Variants in CMIP observed in about 807,000 individuals in gnomAD.
The protein encoded by CMIP is C-Maf-inducing protein.
In CMIP, 13 loss-of-function variants were observed where a neutral mutation model predicts 97.3. The ratio of observed to expected loss-of-function variants is 0.13; its 90% confidence interval spans 0.09 to 0.21. The LOEUF (loss-of-function observed/expected upper bound fraction) is 0.21. CMIP is among the 10% of genes least tolerant of loss of function. The pLI is 1.00. For missense variants in CMIP, 847 were observed against 1,024.9 expected, an observed-to-expected ratio of 0.83 and a Z score of 2.37; for synonymous variants, 538 against 436.3, an observed-to-expected ratio of 1.23 and a Z score of -2.91.
At chr16:81,547,649 C>G (rs1435170449) in intron 1 of CMIP, among the ~76,000 whole-genome samples, 1 of 152,200 alleles carries the variant, frequency 6.6e-6, no homozygotes, top group East Asian at 1.9e-4. Flanking sequence ...GAAGGGATCT[C>G]CTCAGAAGCC....
intron 1 of CMIP, among the ~76,000 whole-genome samples, chr16:81,500,551 C>T (rs1387754981): frequency 4.1e-5 from 6 of 147,492 alleles, no homozygotes; most frequent in African/African-American, 1.3e-4. Flanking sequence ...TGCAGTGGTG[C>T]GATCTCCGCT....
chr16:81,633,028 C>A (rs183659399), intron 3 of CMIP, among the ~76,000 whole-genome samples: 21 of 152,322 alleles, frequency 1.4e-4, no homozygotes, highest in African/African-American at 5.1e-4. Context: ...TGTCATCCAG[C>A]GCAGGCTTTG....
At chr16:81,520,569 G>GA (rs2090000959) in intron 1 of CMIP, 2 of 106,950 alleles carry the variant, frequency 1.9e-5, no homozygotes, top group African/African-American at 4.4e-5. Flanking sequence ...GGAGGAAGGG[G>GA]GAGAGAGAGA....
At chr16:81,601,383 C>T (rs772166386) in intron 1 of CMIP, among the ~76,000 whole-genome samples, 1 of 152,090 alleles carries the variant, frequency 6.6e-6, no homozygotes, top group African/African-American at 2.4e-5. Context: ...TAGGTGTCTT[C>T]TGCCAGCATC....
chr16:81,660,424 A>G (rs532565941), intron 5 of CMIP, among the ~76,000 whole-genome samples: 3 of 151,946 alleles, frequency 2.0e-5, no homozygotes, highest in East Asian at 3.9e-4. Context: ...AGGGGCGCAC[A>G]CCACCACACC....
chr16:81,708,896 G>C (rs1474637161), intron 20 of CMIP, among the ~76,000 whole-genome samples: 1 of 152,216 alleles, frequency 6.6e-6, no homozygotes, highest in African/African-American at 2.4e-5. Flanking sequence ...ATGTGTGTAT[G>C]TGTGTGTGTT....
At chr16:81,566,327 C>G (rs147787796) in intron 1 of CMIP, among the ~76,000 whole-genome samples, 1 of 152,224 alleles carries the variant, frequency 6.6e-6, no homozygotes, top group Non-Finnish European at 1.5e-5. Context: ...GGGGACACAT[C>G]GGGTTCCTTG....
intron 1 of CMIP, among the ~76,000 whole-genome samples, chr16:81,491,166 G>T (rs1371899076): frequency 6.6e-6 from 1 of 152,168 alleles, no homozygotes; most frequent in East Asian, 1.9e-4. Flanking sequence ...CCTCGTGAGG[G>T]CTCAGGAACG....
intron 20 of CMIP, among the ~76,000 whole-genome samples, chr16:81,707,829 T>A (rs1056374209): frequency 6.6e-6 from 1 of 152,112 alleles, no homozygotes; most frequent in Non-Finnish European, 1.5e-5. Flanking sequence ...AGGGCCAGCA[T>A]CCTGGGAGAG....
rs191643828 is a variant in CMIP, at chr16:81,576,353, G to T, written c.301-31214G>T. ...CGGGAGGCAGGGGTTGCAGTGAGCTGAGATCACGTCACTGAACTCCAGTCT... is the reference window on the plus strand; with the variant it reads ...CGGGAGGCAGGGGTTGCAGTGAGCTTAGATCACGTCACTGAACTCCAGTCT... On this transcript the variant is annotated intron_variant, in intron 1 of 20. Coordinates refer to ENST00000537098, the MANE Select transcript of CMIP (RefSeq NM_198390.3). Among the ~76,000 whole-genome samples, 595 of 152,198 alleles carry T rather than the reference G, an allele frequency of 3.9e-3. 11 individuals carry two copies. Among genetic ancestry groups the T allele is most frequent in the Admixed American group, 0.038 (578 of 15,296 alleles).
chr16:81,619,512 A>C (rs1014435549), intron 2 of CMIP: 6 of 152,132 alleles, frequency 3.9e-5, no homozygotes, highest in African/African-American at 1.2e-4. Context: ...CAGAAGGTGG[A>C]TGTTCGTGCT....
At chr16:81,537,544 G>GA (rs2090366403) in intron 1 of CMIP, among the ~76,000 whole-genome samples, 1 of 21,080 alleles carries the variant, frequency 4.7e-5, no homozygotes, top group African/African-American at 2.1e-4. Flanking sequence ...CCAAAAAAAA[G>GA]ACAAAAAAAA....
chr16:81,644,877 T>C (rs2092346045), intron 3 of CMIP, among the ~76,000 whole-genome samples: 1 of 152,166 alleles, frequency 6.6e-6, no homozygotes, highest in South Asian at 2.1e-4. Flanking sequence ...GCAAGGGCCC[T>C]TTCCTCGGGC....
intron 5 of CMIP, among the ~76,000 whole-genome samples, chr16:81,659,672 C>T (rs1321579348): frequency 6.6e-6 from 1 of 152,180 alleles, no homozygotes; most frequent in Non-Finnish European, 1.5e-5. Context: ...GGATGGAGGA[C>T]AAGGGCTTGC....
At chr16:81,677,179 A>C (rs1904357914) in intron 9 of CMIP, among the ~76,000 whole-genome samples, 1 of 152,046 alleles carries the variant, frequency 6.6e-6, no homozygotes, top group South Asian at 2.1e-4. Context: ...GGAAGAAATC[A>C]AGGAAGACTT....
rs1905733222 is a variant in CMIP at position 81,444,976 on chromosome 16, G to C, written c.-266G>C. On this transcript the variant is annotated 5_prime_UTR_variant, in exon 1 of 21. Transcript: ENST00000537098. Reference sequence around the variant, plus strand: ...CCCCCGCCCCTCCCCGTCGCCCGCCGAGCCCGGTCAGCCGCCGCGAGCATG... The same window carrying C: ...CCCCCGCCCCTCCCCGTCGCCCGCCCAGCCCGGTCAGCCGCCGCGAGCATG... Among the ~76,000 whole-genome samples the C allele has an allele frequency of 7.8e-6, 1 of 128,636 alleles. No homozygotes were observed. The highest frequency in any genetic ancestry group is 8.0e-5 in the Admixed American group (1 of 12,558). The allele number at this position is 128,636 out of a possible 152,430, so 84.4% of individuals were successfully genotyped here. A position where few individuals can be genotyped will look rare whatever the true frequency, so the allele number is the denominator to read the frequency against.
Position 81,710,067 on chromosome 16 carries a change from G to C in CMIP, c.*268G>C, listed in dbSNP as rs1434616235. ...GCAACAAGAGGAGCATCAGCGGGTC[G>C]GGGAGGGGTTTGGGGGTGGGCTGGG... On this transcript the variant is annotated 3_prime_UTR_variant, in exon 21 of 21. Transcript: ENST00000537098. 85 of 390,348 alleles carry C rather than the reference G, an allele frequency of 2.2e-4. No individual in the cohort carries two copies. Among genetic ancestry groups the C allele is most frequent in the Non-Finnish European group, 2.8e-5 (6 of 215,322 alleles). 24.2% of individuals were successfully genotyped at this position (390,348 alleles called of 1,614,324 possible).
chr16:81,703,406 G>T (rs1482263413), intron 17 of CMIP, among the ~76,000 whole-genome samples: 1 of 151,998 alleles, frequency 6.6e-6, no homozygotes, highest in East Asian at 1.9e-4. Context: ...GTTGAGTGTG[G>T]CCTCAGTGTT....
intron 1 of CMIP, among the ~76,000 whole-genome samples, chr16:81,598,970 A>AAAAAAAC (rs2091611439): frequency 7.0e-6 from 1 of 143,022 alleles, no homozygotes. Flanking sequence ...CTCTGTCTCA[A>AAAAAAAC]AAAAAAAAAA....
Sources: gnomAD v4.1 joint callset for allele counts (sites outside exome capture counted in the v4.1 genomes callset) on GRCh38, gnomAD v4.1.1 for gene constraint, MANE v1.5 for transcripts, NCBI Gene and HGNC (gene_info 2026-07-23, HGNC 2026-07-21) for gene names.